Variants in ANO1 observed in about 807,000 individuals in gnomAD.
ANO1 encodes anoctamin-1.
ANO1 carries 59 observed loss-of-function variants against 124.0 expected under a neutral mutation model. The ratio of observed to expected loss-of-function variants is 0.48; its 90% CI spans 0.39 to 0.59. The LOEUF (loss-of-function observed/expected upper bound fraction) is 0.59. Ranked by LOEUF, ANO1 falls within the 20% of genes least tolerant of loss-of-function variation. ANO1 has a pLI of 0.00. For synonymous variants in ANO1, 529 were observed against 532.0 expected, an observed-to-expected ratio of 0.99 and a Z score of 0.08; for missense variants, 1,059 against 1,328.0, an observed-to-expected ratio of 0.80 and a Z score of 3.15.
the ANO1 span, among the ~76,000 whole-genome samples, chr11:69,978,060 T>C: frequency 6.6e-6 from 1 of 152,080 alleles, no homozygotes; most frequent in Admixed American, 6.5e-5. Context: ...GGTGTTTTCT[T>C]TCCCTGGGAA....
chr11:70,026,582 A>ATGG (rs1476516582), intron 1 of ANO1, among the ~76,000 whole-genome samples: 9 of 151,698 alleles, frequency 5.9e-5, no homozygotes, highest in African/African-American at 2.2e-4. Flanking sequence ...AGTAATGATG[A>ATGG]TGGTGGTGGT....
At chr11:70,043,992 C>T (rs1277412330) in intron 1 of ANO1, among the ~76,000 whole-genome samples, 1 of 144,170 alleles carries the variant, frequency 6.9e-6, no homozygotes, top group Non-Finnish European at 1.5e-5. Context: ...AAAATAATAA[C>T]TGTATTATAG....
intron 11 of ANO1, among the ~76,000 whole-genome samples, chr11:70,144,029 T>C (rs1390163539): frequency 6.6e-6 from 1 of 152,148 alleles, no homozygotes; most frequent in Admixed American, 6.5e-5. Context: ...ATCTGCTTTC[T>C]GTCTCTCTGG....
intron 1 of ANO1, among the ~76,000 whole-genome samples, chr11:70,013,673 A>G (rs1237142431): frequency 2.0e-5 from 3 of 152,038 alleles, no homozygotes; most frequent in Admixed American, 1.3e-4. Context: ...GTGGTGACGC[A>G]TGCCTCAAGT....
chr11:69,981,030 G>A (rs1554996174), upstream of ANO1, among the ~76,000 whole-genome samples: 1 of 152,184 alleles, frequency 6.6e-6, no homozygotes, highest in Non-Finnish European at 1.5e-5. Context: ...CCAGCCTGGT[G>A]ACAGGAGCGA....
chr11:70,049,483 C>T (rs1188853081), intron 1 of ANO1, among the ~76,000 whole-genome samples: 1 of 152,162 alleles, frequency 6.6e-6, no homozygotes, highest in Non-Finnish European at 1.5e-5. Context: ...ACATAGCTGG[C>T]ATGGAATAAG....
At chr11:70,113,723 G>A (rs1385754762) in intron 7 of ANO1, among the ~76,000 whole-genome samples, 1 of 152,102 alleles carries the variant, frequency 6.6e-6, no homozygotes, top group African/African-American at 2.4e-5. Flanking sequence ...AGCCCTTTAA[G>A]TCTTAAAAGG....
chr11:70,058,575 G>A (rs954097072), intron 1 of ANO1, among the ~76,000 whole-genome samples: 14 of 152,214 alleles, frequency 9.2e-5, no homozygotes, highest in African/African-American at 3.4e-4. Context: ...CCTGCTGGAG[G>A]ACTGGAAGAT....
intron 1 of ANO1, among the ~76,000 whole-genome samples, chr11:70,022,642 G>A (rs1431368593): frequency 6.6e-6 from 1 of 151,696 alleles, no homozygotes; most frequent in African/African-American, 2.4e-5. Context: ...AGCCACTGAT[G>A]GCCCCATAGA....
intron 1 of ANO1, among the ~76,000 whole-genome samples, chr11:70,022,553 C>T (rs1384231985): frequency 6.6e-6 from 1 of 151,862 alleles, no homozygotes; most frequent in Admixed American, 6.6e-5. Context: ...TTGCAGTGAG[C>T]CGAGATCATG....
chr11:70,006,216 A>T (rs537657909), intron 1 of ANO1, among the ~76,000 whole-genome samples: 5 of 152,316 alleles, frequency 3.3e-5, no homozygotes, highest in East Asian at 3.9e-4. Context: ...GTGAGCAGGA[A>T]CTAGTCCAGG....
rs183361604 is a variant in ANO1, at chr11:70,064,464, G to A, written c.59-14078G>A. On this transcript the variant is annotated intron_variant, in intron 1 of 27. Coordinates refer to the ANO1 transcript ENST00000531349. ...TTTTGCCCTGATTTTTCAGATGGGC[G>A]CCCTGGACTGAGGCAAACTTTAATA... 1,170 of 152,302 alleles carry A rather than the reference G, an allele frequency of 7.7e-3. 9 individuals carry two copies. Among genetic ancestry groups the A allele is most frequent in the South Asian group, 0.015 (72 of 4,816 alleles). The allele number at this position is 152,302 out of a possible 1,614,324, so 9.4% of individuals were successfully genotyped here.
chr11:70,080,027 T>A (rs550401841), intron 1 of ANO1, among the ~76,000 whole-genome samples: 45 of 152,334 alleles, frequency 3.0e-4, no homozygotes, highest in African/African-American at 1.1e-3. Context: ...ATCAAAGCCA[T>A]GTGCCAGGCC....
intron 9 of ANO1, among the ~76,000 whole-genome samples, chr11:70,125,532 G>T (rs1590802775): frequency 7.2e-6 from 1 of 138,812 alleles, no homozygotes; most frequent in African/African-American, 2.6e-5. Context: ...AAAAAAAAAA[G>T]AAAGAAAGGA....
At chr11:70,129,338 A>T (rs2135511759) in intron 10 of ANO1, 1 of 152,324 alleles carries the variant, frequency 6.6e-6, no homozygotes, top group East Asian at 1.9e-4. Flanking sequence ...TCCTCCTGAC[A>T]ACCTATTAAC....
In ANO1 at chr11:70,028,096, G is replaced by T. The variant is rs79473041; in HGVS notation, c.58+41930G>T. On this transcript the variant is annotated intron_variant, in intron 1 of 27. Transcript: ENST00000531349. ...GATTTCCCTCAGAAGAAATAGATCC[G>T]AATAAGCGCCAATTCTGGTTGCCAA... 3.4e-3 allele frequency among the ~76,000 whole-genome samples: 518 copies of T among 152,262 alleles called. 5 individuals are homozygous for T. Among genetic ancestry groups the T allele is most frequent in the Non-Finnish European group, 5.9e-3 (403 of 68,004 alleles).
At chr11:70,103,711 G>A (rs1379776646) in intron 3 of ANO1, among the ~76,000 whole-genome samples, 5 of 152,224 alleles carry the variant, frequency 3.3e-5, no homozygotes, top group Middle Eastern at 6.8e-3. Context: ...CCTGCTTCTC[G>A]CGTCCTCAGA....
chr11:70,043,934 G>T (rs182111886), intron 1 of ANO1, among the ~76,000 whole-genome samples: 1 of 151,922 alleles, frequency 6.6e-6, no homozygotes, highest in African/African-American at 2.4e-5. Context: ...AATATAAAAC[G>T]TTTTCTCAAT....
intron 1 of ANO1, among the ~76,000 whole-genome samples, chr11:70,028,203 T>A (rs992699543): frequency 2.0e-5 from 3 of 152,222 alleles, no homozygotes; most frequent in Admixed American, 6.5e-5. Flanking sequence ...TAGGCCCTAC[T>A]AACTGTTGAT....
Sources: gnomAD v4.1 joint callset for allele counts (sites outside exome capture counted in the v4.1 genomes callset) on GRCh38, gnomAD v4.1.1 for gene constraint, MANE v1.5 for transcripts, NCBI Gene and HGNC (gene_info 2026-07-23, HGNC 2026-07-21) for gene names.